Variants in MICALL1 observed in about 807,000 individuals in gnomAD.
MICALL1 encodes MICAL like 1.
In MICALL1, 61 loss-of-function variants were observed where a neutral mutation model predicts 83.7. That is an observed-to-expected ratio of 0.73 (90% CI 0.59 to 0.90). The LOEUF is 0.90. Ranked by LOEUF, MICALL1 falls within the 40% of genes least tolerant of loss-of-function variation. The pLI is 0.00. For missense variants in MICALL1, 1,066 were observed against 1,152.0 expected (o/e 0.93, Z 1.08); for synonymous variants, 481 against 473.6 (o/e 1.02, Z -0.20).
At chr22:37,916,154 C>T (rs1928663341) in intron 3 of MICALL1, among the ~76,000 whole-genome samples, 1 of 152,132 alleles carries the variant, frequency 6.6e-6, no homozygotes, top group Non-Finnish European at 1.5e-5. Flanking sequence ...CTCTGGGCAG[C>T]CTGGTGGGCA....
At position 37,927,485 on chromosome 22, in the gene MICALL1, C is replaced by T. The variant is rs761997283; in HGVS notation, c.1540C>T (p.Leu514=). The T allele has an allele frequency of 6.2e-6, 10 of 1,611,946 alleles. No homozygotes were observed. In the South Asian group the frequency reaches 6.6e-5, roughly 11 times the overall value. ...ATCGCCAGCGCTCAGCGTGGAGAGCCTGTCGTCTGAGAGCGCCAGCCAGAC... is the reference window on the plus strand; with the variant it reads ...ATCGCCAGCGCTCAGCGTGGAGAGCTTGTCGTCTGAGAGCGCCAGCCAGAC... The part of the protein sequence containing the change: ...TPSPALSVES[L]SSESASQTAG... The change falls in exon 9 of 16, where the codon CTG becomes TTG. Residue 514 remains leucine, a synonymous_variant. Transcript: ENST00000215957.
chr22:37,917,187 T>C (rs1928732250), intron 3 of MICALL1, among the ~76,000 whole-genome samples: 1 of 152,090 alleles, frequency 6.6e-6, no homozygotes, highest in African/African-American at 2.4e-5. Flanking sequence ...AGCTGAGTCT[T>C]AGAGGAACCC....
chr22:37,929,672 C>T (rs1929682492), intron 9 of MICALL1, among the ~76,000 whole-genome samples: 1 of 152,122 alleles, frequency 6.6e-6, no homozygotes, highest in African/African-American at 2.4e-5. Flanking sequence ...TTCTCAGCCC[C>T]ATACTGAGAA....
In MICALL1 at chr22:37,922,085, G is replaced by A; in HGVS notation, c.683G>A (p.Gly228Glu). The change falls in exon 6 of 16, where the codon GGG becomes GAG. Residue 228 changes from glycine to glutamate, a missense_variant. Coordinates refer to ENST00000215957, the MANE Select transcript of MICALL1 (RefSeq NM_033386.4). ...AGGCTGGGCCCGGGGACACGGTCGG[G>A]GACCAGGCCTGGGCCCTTCTCACAG... Reference protein sequence around the residue: ...CARLGPGTRSGTRPGPFSQPK... With the variant: ...CARLGPGTRSETRPGPFSQPK... 2 of 1,613,384 alleles carry A rather than the reference G, an allele frequency of 1.2e-6. No individual in the cohort carries two copies. The highest frequency in any genetic ancestry group is 8.5e-7 in the Non-Finnish European group (1 of 1,180,004).
At position 37,916,477 on chromosome 22, in the gene MICALL1, G is replaced by A. The variant is rs60089960; in HGVS notation, c.338-1230G>A. On this transcript the variant is annotated intron_variant, in intron 3 of 15. Transcript: ENST00000215957. Reference sequence around the variant, plus strand: ...ACTCTGGAGGCAAAGCTGGCTGTTCGACTCCCCCAGATGGTCCTGTACTGT... The same window carrying A: ...ACTCTGGAGGCAAAGCTGGCTGTTCAACTCCCCCAGATGGTCCTGTACTGT... Among the ~76,000 whole-genome samples the A allele has an allele frequency of 2.9e-3, 441 of 152,300 alleles. 2 individuals carry two copies. Among genetic ancestry groups the A allele is most frequent in the African/African-American group, 9.9e-3 (413 of 41,572 alleles).
rs1325681692 is a variant in MICALL1, at chr22:37,927,509, A to T, written c.1564A>T (p.Thr522Ser). ...CCTGTCGTCTGAGAGCGCCAGCCAG[A>T]CTGCAGGTGCAGAGCTTCTGGAGCC... is the stretch of plus-strand genomic sequence containing the variant. ...ESLSSESASQ[T>S]AGAELLEPPA... The change falls in exon 9 of 16, where the codon ACT becomes TCT. Residue 522 changes from threonine (T) to serine (S), a missense_variant. Coordinates refer to ENST00000215957, the MANE Select transcript of MICALL1 (RefSeq NM_033386.4). 1 of 1,612,864 alleles carries T rather than the reference A, an allele frequency of 6.2e-7. No individual in the cohort carries two copies. The highest frequency in any genetic ancestry group is 8.5e-7 in the Non-Finnish European group (1 of 1,178,962).
chr22:37,911,121 A>G (rs1928296827), intron 1 of MICALL1, among the ~76,000 whole-genome samples: 1 of 152,314 alleles, frequency 6.6e-6, no homozygotes, highest in East Asian at 1.9e-4. Context: ...CAGGCCAGCC[A>G]GCTGTCCCGT....
chr22:37,909,548 C>CG (rs2145873766), intron 1 of MICALL1, among the ~76,000 whole-genome samples: 1 of 151,596 alleles, frequency 6.6e-6, no homozygotes, highest in South Asian at 2.1e-4. Flanking sequence ...TTAGCAGAGA[C>CG]GGGGTTTCAC....
intron 4 of MICALL1, 109 bp downstream of exon 4, chr22:37,917,904 G>A (rs1260665182): frequency 6.2e-6 from 6 of 964,624 alleles, no homozygotes; most frequent in Non-Finnish European, 9.7e-6. Context: ...CCCTGACAGT[G>A]TTCAGAGGGT....
chr22:37,924,587 G>C lies in MICALL1; in HGVS notation c.1025-73G>C. The C allele has an allele frequency of 6.8e-7, 1 of 1,478,450 alleles. No homozygotes were observed. Among genetic ancestry groups the C allele is most frequent in the African/African-American group, 1.4e-5 (1 of 72,000 alleles). 91.6% of individuals were successfully genotyped at this position (1,478,450 alleles called of 1,614,324 possible). ...GCGGGGCGCTCCTGGGGAGGCAGGT[G>C]CTGTGGCTGGCTCCCTGGGTGCCCA... On this transcript the variant is annotated intron_variant, in intron 6 of 15. Transcript: ENST00000215957. This position sits in a 1 kb window ranked among gnomAD's most constrained non-coding sequence, Gnocchi z 5.2.
chr22:37,936,871 G>T (rs1403855218), intron 13 of MICALL1, among the ~76,000 whole-genome samples: 1 of 150,752 alleles, frequency 6.6e-6, no homozygotes, highest in Non-Finnish European at 1.5e-5. Flanking sequence ...CAGCCTGGGC[G>T]ACAGAGTGAG....
chr22:37,932,875 G>C lies in MICALL1; in HGVS notation c.2221G>C (p.Glu741Gln). 6.2e-7 allele frequency: 1 copy of C among 1,614,110 alleles called. No individual in the cohort carries two copies. The highest frequency in any genetic ancestry group is 8.5e-7 in the Non-Finnish European group (1 of 1,180,010). The change falls in exon 12 of 16, where the codon GAG becomes CAG. Residue 741 changes from glutamate (E) to glutamine (Q), a missense_variant. Coordinates refer to ENST00000215957, the MANE Select transcript of MICALL1 (RefSeq NM_033386.4). The surrounding 1 kb of genome is among the most constrained non-coding windows in gnomAD (Gnocchi z 4.4). ...EKHLLVRRES[E>Q]LIYVFKQQNL... is the part of the protein sequence containing the mutation. ...GCACCTACTGGTGCGGCGAGAGTCCGAGCTCATCTATGTGTGAGTCCCCCC... is the reference window on the plus strand; with the variant it reads ...GCACCTACTGGTGCGGCGAGAGTCCCAGCTCATCTATGTGTGAGTCCCCCC...
In MICALL1 at chr22:37,919,198, T is replaced by C; in HGVS notation, c.569+20T>C. The C allele has an allele frequency of 6.6e-7, 1 of 1,503,764 alleles. No homozygotes were observed. The allele number at this position is 1,503,764 out of a possible 1,614,324, so 93.2% of individuals were successfully genotyped here. ...CTTCCGGTGAGTGGCCAGGGCCGCGTGTTACCCCCGAAACCAGGGAGGGGG... is the reference window on the plus strand; with the variant it reads ...CTTCCGGTGAGTGGCCAGGGCCGCGCGTTACCCCCGAAACCAGGGAGGGGG... On this transcript the variant is annotated intron_variant, in intron 5 of 15. Coordinates refer to ENST00000215957, the MANE Select transcript of MICALL1 (RefSeq NM_033386.4).
chr22:37,941,090 C>G lies in MICALL1; in HGVS notation c.*260C>G. 2.6e-6 allele frequency: 1 copy of G among 379,908 alleles called. No homozygotes were observed. The highest frequency in any genetic ancestry group is 3.6e-5 in the Admixed American group (1 of 27,552). The allele number at this position is 379,908 out of a possible 1,614,324, so 23.5% of individuals were successfully genotyped here. The stretch of plus-strand genomic sequence containing the variant: ...ATTCTGATGACTGCGGATGCTGTGA[C>G]GGACCCAAGGGGCAAATAGGGTCCC... On this transcript the variant is annotated 3_prime_UTR_variant, in exon 16 of 16. Coordinates refer to ENST00000215957, the MANE Select transcript of MICALL1 (RefSeq NM_033386.4).
In MICALL1 at chr22:37,922,396, G is replaced by T; in HGVS notation, c.994G>T (p.Glu332Ter). The change falls in exon 6 of 16, where the codon GAG becomes TAG. Residue 332 changes from glutamate to a stop codon, truncating the protein, a stop_gained. Coordinates refer to ENST00000215957, the MANE Select transcript of MICALL1 (RefSeq NM_033386.4). LOFTEE classifies it high-confidence loss of function. ...CAGTCTGCAGCAGGAGAACCTGGTG[G>T]AGCAGGCTGGCAGCAGCAGCCTGGT... is the stretch of plus-strand genomic sequence containing the variant. ...RSSLQQENLV[E>*]QAGSSSLVNG... The T allele has an allele frequency of 6.5e-7, 1 of 1,533,838 alleles. No homozygotes were observed. The highest frequency in any genetic ancestry group is 1.2e-5 in the South Asian group (1 of 82,704).
In MICALL1 at chr22:37,925,715, AAAG is replaced by A. The variant is rs1929382540; in HGVS notation, c.1144_1146del (p.Lys382del). 1 of 1,610,450 alleles carries A rather than the reference AAAG, an allele frequency of 6.2e-7. No individual in the cohort carries two copies. The highest frequency in any genetic ancestry group is 1.1e-5 in the South Asian group (1 of 90,914). The stretch of plus-strand genomic sequence containing the variant: ...GGATCACGCTGGTGCAGGCAGAACC[AAAG>A]AAGAAGCCAGCCCCACTTCCCCCAA... On this transcript the variant is annotated inframe_deletion, in exon 8 of 16. Transcript: ENST00000215957.
rs773192711 is a variant in MICALL1, at chr22:37,932,999, C to T, written c.2235-40C>T. 27 of 1,613,350 alleles carry T rather than the reference C, an allele frequency of 1.7e-5. No homozygotes were observed. In the Admixed American group the frequency reaches 2.0e-4, roughly 12 times the overall value. ...AGCGCAGGGCAGGGCAGCCGGGGCT[C>T]GGGCAGAATTGTTAAGAGTCACCTT... is the stretch of plus-strand genomic sequence containing the variant. On this transcript the variant is annotated intron_variant, in intron 12 of 15. Coordinates refer to ENST00000215957, the MANE Select transcript of MICALL1 (RefSeq NM_033386.4). The surrounding 1 kb of genome is among the most constrained non-coding windows in gnomAD (Gnocchi z 4.4).
intron 13 of MICALL1, among the ~76,000 whole-genome samples, chr22:37,933,715 G>C (rs1285038067): frequency 6.6e-6 from 1 of 152,204 alleles, no homozygotes; most frequent in African/African-American, 2.4e-5. Context: ...AGAGACCCCA[G>C]GACTATGGAG....
At chr22:37,931,090 G>A (rs1371753628) in intron 9 of MICALL1, among the ~76,000 whole-genome samples, 1 of 152,226 alleles carries the variant, frequency 6.6e-6, no homozygotes, top group Admixed American at 6.5e-5. Flanking sequence ...ACCCCTCAAT[G>A]CTAGATGGCT....
Sources: allele counts gnomAD v4.1 joint callset (sites outside exome capture counted in the v4.1 genomes callset), GRCh38; gene constraint gnomAD v4.1.1; non-coding constraint Gnocchi (gnomAD v3.1); transcripts MANE v1.5; gene names NCBI Gene and HGNC (gene_info 2026-07-23, HGNC 2026-07-21).